MYO3B: variants seen among roughly 807,000 people sequenced by gnomAD.
The protein encoded by MYO3B is myosin IIIB, also known as myosin-IIIb.
In MYO3B, 156 loss-of-function variants were observed where a neutral mutation model predicts 174.6. The observed-to-expected ratio is 0.89, with a 90% CI of 0.78 to 1.02. The LOEUF is 1.02. Among genes scored for constraint, MYO3B ranks in the 50% least tolerant of loss-of-function variants. The pLI is 0.00. For missense variants in MYO3B, 1,632 were observed against 1,639.4 expected (o/e 1.00, Z 0.08); for synonymous variants, 563 against 569.1 (o/e 0.99, Z 0.15).
At chr2:170,581,480 GT>G (rs1049131328) in intron 32 of MYO3B, among the ~76,000 whole-genome samples, 8 of 151,980 alleles carry the variant, frequency 5.3e-5, no homozygotes, top group Non-Finnish European at 1.5e-5. Context: ...AATTTTAACA[GT>G]TTTATTAGTT....
At chr2:170,591,383 T>A (rs1473166420) in intron 32 of MYO3B, among the ~76,000 whole-genome samples, 1 of 152,188 alleles carries the variant, frequency 6.6e-6, no homozygotes, top group Non-Finnish European at 1.5e-5. Flanking sequence ...CAAACTACTT[T>A]CTCTGAGATC....
intron 34 of MYO3B, among the ~76,000 whole-genome samples, 157 bp downstream of exon 34, chr2:170,652,311 A>C (rs1317919686): frequency 1.3e-5 from 2 of 152,222 alleles, no homozygotes; most frequent in Non-Finnish European, 2.9e-5. Context: ...CACAGTAGCA[A>C]GTATACAAAA....
At chr2:170,434,705 G>T (rs2094738486) in intron 22 of MYO3B, among the ~76,000 whole-genome samples, 1 of 152,222 alleles carries the variant, frequency 6.6e-6, no homozygotes, top group Non-Finnish European at 1.5e-5. Context: ...AGAAGGCAAA[G>T]AATTGAACAT....
intron 23 of MYO3B, among the ~76,000 whole-genome samples, chr2:170,447,646 G>A (rs1479897053): frequency 6.6e-6 from 1 of 152,184 alleles, no homozygotes; most frequent in Non-Finnish European, 1.5e-5. Context: ...CCACCCAGTG[G>A]GTTCATCTTG....
At chr2:170,427,975 G>A (rs998879996) in intron 22 of MYO3B, among the ~76,000 whole-genome samples, 8 of 152,160 alleles carry the variant, frequency 5.3e-5, no homozygotes, top group Admixed American at 5.2e-4. Flanking sequence ...TAGGAGAATA[G>A]ATGTTATAAA....
At chr2:170,198,031 T>C (rs1276918235) in intron 1 of MYO3B, among the ~76,000 whole-genome samples, 1 of 151,944 alleles carries the variant, frequency 6.6e-6, no homozygotes. Flanking sequence ...TTTGACCTAA[T>C]GTGGGAAATA....
intron 25 of MYO3B, among the ~76,000 whole-genome samples, chr2:170,477,190 T>A (rs1008824161): frequency 2.0e-5 from 3 of 152,162 alleles, no homozygotes; most frequent in African/African-American, 7.2e-5. Flanking sequence ...GCCCCATGTG[T>A]GATGGTCAGC....
chr2:170,346,581 C>T (rs1328391509), intron 8 of MYO3B, among the ~76,000 whole-genome samples: 1 of 152,070 alleles, frequency 6.6e-6, no homozygotes, highest in African/African-American at 2.4e-5. Flanking sequence ...TTCTCTCTTT[C>T]ATTTTATTTT....
At chr2:170,551,349 A>ATTTAATTAT (rs1553520401) in intron 32 of MYO3B, among the ~76,000 whole-genome samples, 2 of 142,320 alleles carry the variant, frequency 1.4e-5, no homozygotes, top group Non-Finnish European at 3.0e-5. Context: ...ATTTAATTTA[A>ATTTAATTAT]TTATTTATTT....
At position 170,198,112 on chromosome 2, in the gene MYO3B, GTTTTT is replaced by G. The variant is rs10571296; in HGVS notation, c.3-1082_3-1078del. Among the ~76,000 whole-genome samples, 118 of 143,274 alleles carry G rather than the reference GTTTTT, an allele frequency of 8.2e-4. 1 individual carries two copies. Among genetic ancestry groups the G allele is most frequent in the Middle Eastern group, 3.7e-3 (1 of 270 alleles). 94.0% of individuals were successfully genotyped at this position (143,274 alleles called of 152,430 possible). On this transcript the variant is annotated intron_variant, in intron 1 of 34. Coordinates refer to ENST00000408978, the MANE Select transcript of MYO3B (RefSeq NM_138995.5). ...TATCAGGAGCACCTTTCTCCTTTGG[GTTTTT>G]TTTTTTTTTTTTTCCCTTCTTCACT... is the stretch of plus-strand genomic sequence containing the variant.
chr2:170,585,811 G>A (rs1471416748), intron 32 of MYO3B, among the ~76,000 whole-genome samples: 1 of 152,208 alleles, frequency 6.6e-6, no homozygotes, highest in African/African-American at 2.4e-5. Context: ...CAGCACTTTA[G>A]GAGGCTGAGG....
chr2:170,201,826 C>T (rs1232441204), intron 3 of MYO3B, among the ~76,000 whole-genome samples: 7 of 151,566 alleles, frequency 4.6e-5, no homozygotes. Context: ...GTCTTCAGCT[C>T]TGTAAGATCT....
chr2:170,219,093 C>A (rs2092862739), intron 6 of MYO3B, among the ~76,000 whole-genome samples: 1 of 152,222 alleles, frequency 6.6e-6, no homozygotes, highest in Admixed American at 6.5e-5. Context: ...GAATGGCCCC[C>A]AGGCCTCTGG....
intron 29 of MYO3B, among the ~76,000 whole-genome samples, 184 bp from the exon 30 acceptor site, chr2:170,519,254 G>A (rs1688511268): frequency 6.6e-6 from 1 of 152,032 alleles, no homozygotes; most frequent in South Asian, 2.1e-4. Flanking sequence ...GACCAAGCAT[G>A]GAACAAGACC....
At chr2:170,421,456 C>T (rs894388218) in intron 22 of MYO3B, among the ~76,000 whole-genome samples, 10 of 152,160 alleles carry the variant, frequency 6.6e-5, no homozygotes, top group Admixed American at 1.3e-4. Flanking sequence ...TCTTTAAGCA[C>T]GAGAACCACG....
intron 25 of MYO3B, among the ~76,000 whole-genome samples, chr2:170,476,611 A>G (rs555243069): frequency 1.1e-4 from 17 of 151,810 alleles, no homozygotes; most frequent in African/African-American, 3.9e-4. Context: ...TACTCCTTCT[A>G]TTCTCTTTCT....
chr2:170,387,287 C>G lies in MYO3B; in HGVS notation c.1556C>G (p.Ser519Cys). Residue 519 changes from serine to cysteine, a missense_variant, in exon 14 of 35, where the codon TCC (serine) becomes TGC (cysteine). Transcript: ENST00000408978. Reference protein sequence around the residue: ...ARISEYLLEKSRVIKQAAREK... With the variant: ...ARISEYLLEKCRVIKQAAREK... ...ATCTCTGAATATCTCCTGGAAAAAT[C>G]CAGAGTTATAAAACAGGCAGCGTAG... 1 of 1,614,072 alleles carries G rather than the reference C, an allele frequency of 6.2e-7. No homozygotes were observed. Among genetic ancestry groups the G allele is most frequent in the African/African-American group, 1.3e-5 (1 of 75,038 alleles).
In MYO3B at chr2:170,206,382, C is replaced by G. The variant is rs1376285567; in HGVS notation, c.321+6098C>G. On this transcript the variant is annotated intron_variant, in intron 3 of 34. Transcript: ENST00000408978. This position sits in a 1 kb window ranked among gnomAD's most constrained non-coding sequence, Gnocchi z 4.3. ...CACAGCTCTGCTTCCACATTCCACA[C>G]TATAATTACTCGTATGTCCATTACT... Among the ~76,000 whole-genome samples, 1 of 152,178 alleles carries G rather than the reference C, an allele frequency of 6.6e-6. No homozygotes were observed. Among genetic ancestry groups the G allele is most frequent in the Non-Finnish European group, 1.5e-5 (1 of 68,026 alleles).
chr2:170,400,092 C>A, intron 16 of MYO3B, 96 bp from the exon 17 acceptor site: 1 of 1,517,346 alleles, frequency 6.6e-7, no homozygotes, highest in Admixed American at 1.8e-5. Flanking sequence ...GGAGAATGGA[C>A]TTTGGTAGAC....
Sources: allele counts gnomAD v4.1 joint callset (sites outside exome capture counted in the v4.1 genomes callset), GRCh38; gene constraint gnomAD v4.1.1; non-coding constraint Gnocchi (gnomAD v3.1); transcripts MANE v1.5; gene names NCBI Gene and HGNC (gene_info 2026-07-23, HGNC 2026-07-21).